The following EHMT1 variants were observed in gnomAD, a reference collection of about 807,000 sequenced individuals.
EHMT1 encodes histone-lysine N-methyltransferase EHMT1.
EHMT1 carries 15 observed loss-of-function variants against 147.2 expected under a neutral mutation model. That is an observed-to-expected ratio of 0.10 (90% CI 0.07 to 0.16). EHMT1 has a LOEUF of 0.16. Among genes scored for constraint, EHMT1 ranks in the 10% least tolerant of loss-of-function variants. The pLI is 1.00. For synonymous variants in EHMT1, 795 were observed against 709.6 expected (o/e 1.12, Z -1.91); for missense variants, 1,587 against 1,772.4 (o/e 0.90, Z 1.88).
rs1309032128 is a variant in EHMT1, at chr9:137,774,048, C to G, written c.1648-1061C>G. Among the ~76,000 whole-genome samples the G allele has an allele frequency of 3.9e-5, 6 of 152,316 alleles. No individual in the cohort carries two copies. The East Asian group carries it at 1.2e-3, about 29-fold the overall frequency. On this transcript the variant is annotated intron_variant, in intron 10 of 26. Coordinates refer to ENST00000460843, the MANE Select transcript of EHMT1 (RefSeq NM_024757.5). ...TCCTCCAGTGACCATGTTCCCCAGT[C>G]AGGCCCCAGACTCTGTGTCCTGCTC...
intron 9 of EHMT1, among the ~76,000 whole-genome samples, chr9:137,761,517 A>G (rs943213894): frequency 1.3e-5 from 2 of 152,212 alleles, no homozygotes; most frequent in Non-Finnish European, 2.9e-5. Context: ...GCAGTGGCAC[A>G]ATCTCAGCTC....
chr9:137,735,628 G>T (rs1160054230), intron 4 of EHMT1, among the ~76,000 whole-genome samples: 2 of 152,210 alleles, frequency 1.3e-5, no homozygotes, highest in South Asian at 4.1e-4. Context: ...GATGTGGTTT[G>T]TCCACACCAA....
chr9:137,663,528 A>G (rs1939305424), intron 1 of EHMT1, among the ~76,000 whole-genome samples: 1 of 152,250 alleles, frequency 6.6e-6, no homozygotes, highest in Non-Finnish European at 1.5e-5. Context: ...GAAAAGGTGC[A>G]TATTGCAGAG....
At chr9:137,622,891 A>G (rs1315352441) in intron 1 of EHMT1, among the ~76,000 whole-genome samples, 1 of 147,362 alleles carries the variant, frequency 6.8e-6, no homozygotes, top group Non-Finnish European at 1.5e-5. Context: ...TGGGTGACAG[A>G]GCAAAATCCT....
At chr9:137,817,268 C>G in intron 23 of EHMT1, 171 bp from the exon 24 acceptor site, 1 of 745,794 alleles carries the variant, frequency 1.3e-6, no homozygotes, top group Non-Finnish European at 2.3e-6. Context: ...TCTTGGCTCC[C>G]TGAGAGTGCG....
chr9:137,648,491 CAA>C (rs397720797), intron 1 of EHMT1, among the ~76,000 whole-genome samples: 9 of 93,730 alleles, frequency 9.6e-5, no homozygotes, highest in East Asian at 3.1e-4. Flanking sequence ...TCCTTCTCTC[CAA>C]AAAAAAAAAA....
intron 1 of EHMT1, among the ~76,000 whole-genome samples, chr9:137,681,644 C>T (rs942453887): frequency 2.0e-5 from 3 of 152,160 alleles, no homozygotes; most frequent in African/African-American, 4.8e-5. Context: ...CCCAGGAAGC[C>T]TCCCACGCCC....
chr9:137,736,820 G>T (rs35793905), intron 4 of EHMT1, among the ~76,000 whole-genome samples: 4 of 152,158 alleles, frequency 2.6e-5, no homozygotes, highest in Non-Finnish European at 5.9e-5. Flanking sequence ...GAACCTGGGA[G>T]GTGGAGGTTG....
rs535600479 is a variant in EHMT1, at chr9:137,728,233, T to G, written c.643-116T>G. Reference sequence around the variant, plus strand: ...CAGACTTTCTCCTCTCTCCATTGTATCTCATCTTTCGGTTGTGGGGAATTA... The same window carrying G: ...CAGACTTTCTCCTCTCTCCATTGTAGCTCATCTTTCGGTTGTGGGGAATTA... On this transcript the variant is annotated intron_variant, in intron 3 of 26. Coordinates refer to ENST00000460843, the MANE Select transcript of EHMT1 (RefSeq NM_024757.5). The G allele has an allele frequency of 2.7e-5, 38 of 1,424,718 alleles. No homozygotes were observed. The South Asian group carries it at 3.8e-4, about 14-fold the overall frequency. The allele number at this position is 1,424,718 out of a possible 1,614,324, so 88.3% of individuals were successfully genotyped here.
intron 19 of EHMT1, 51 bp downstream of exon 19, chr9:137,811,666 G>A (rs753321252): frequency 1.9e-5 from 30 of 1,597,608 alleles, no homozygotes; most frequent in Middle Eastern, 3.3e-4. Flanking sequence ...TGACCTGGGC[G>A]CCCAGAGAGA....
chr9:137,730,643 C>G (rs1047352118), intron 4 of EHMT1, among the ~76,000 whole-genome samples: 1 of 152,216 alleles, frequency 6.6e-6, no homozygotes, highest in Non-Finnish European at 1.5e-5. Context: ...AGTCTCTGGA[C>G]TGTAATCCAT....
intron 3 of EHMT1, among the ~76,000 whole-genome samples, chr9:137,718,174 CAG>C (rs939856581): frequency 2.2e-4 from 34 of 151,160 alleles, no homozygotes; most frequent in Admixed American, 9.2e-4. Context: ...TTTTCACACA[CAG>C]GGCGCGCCCG....
At chr9:137,765,880 C>T (rs1263683709) in intron 10 of EHMT1, among the ~76,000 whole-genome samples, 1 of 152,040 alleles carries the variant, frequency 6.6e-6, no homozygotes, top group Non-Finnish European at 1.5e-5. Context: ...GTTGAACAAC[C>T]CAGGCTGTTG....
intron 1 of EHMT1, among the ~76,000 whole-genome samples, chr9:137,633,612 G>A (rs1843766619): frequency 1.3e-5 from 2 of 151,900 alleles, no homozygotes; most frequent in African/African-American, 4.8e-5. Flanking sequence ...CCTCAGTGGG[G>A]TTCTTTGGTA....
intron 3 of EHMT1, among the ~76,000 whole-genome samples, chr9:137,727,686 A>C (rs1946757391): frequency 6.6e-6 from 1 of 152,254 alleles, no homozygotes. Context: ...TGACGAGGGA[A>C]GCAGACAGAG....
chr9:137,834,625 G>T, intron 26 of EHMT1, 101 bp downstream of exon 26: 1 of 1,596,220 alleles, frequency 6.3e-7, no homozygotes, highest in Non-Finnish European at 8.5e-7. Flanking sequence ...GTTTATGCTA[G>T]TGGTTTTCCT....
chr9:137,725,058 G>A (rs1033212689), intron 3 of EHMT1, among the ~76,000 whole-genome samples: 13 of 141,478 alleles, frequency 9.2e-5, no homozygotes, highest in Admixed American at 1.4e-4. Flanking sequence ...TGGGGCAGGC[G>A]TGTGGCATTT....
intron 1 of EHMT1, among the ~76,000 whole-genome samples, chr9:137,691,124 C>T (rs983110065): frequency 6.6e-6 from 1 of 152,010 alleles, no homozygotes; most frequent in African/African-American, 2.4e-5. Flanking sequence ...CAGCTCTTGG[C>T]ACCCACCTTT....
chr9:137,650,603 T>G (rs923486747), intron 1 of EHMT1, among the ~76,000 whole-genome samples: 6 of 151,980 alleles, frequency 3.9e-5, no homozygotes, highest in Non-Finnish European at 8.8e-5. Context: ...TTTTTATTAA[T>G]GAGTTACAGA....
Sources: allele counts gnomAD v4.1 joint callset (sites outside exome capture counted in the v4.1 genomes callset), GRCh38; gene constraint gnomAD v4.1.1; transcripts MANE v1.5; gene names NCBI Gene and HGNC (gene_info 2026-07-23, HGNC 2026-07-21).